BLTP2: variants seen among roughly 807,000 people sequenced by gnomAD.
BLTP2 encodes U937-associated antigen.
At chr17:28,644,083 T>C in the BLTP2 span, 1 of 1,614,240 alleles carries the variant, frequency 6.2e-7, no homozygotes, top group Non-Finnish European at 8.5e-7. Flanking sequence ...TTGCTGAAAC[T>C]TAAGACTGAC....
At chr17:28,639,353 T>C in the BLTP2 span, 4 of 1,614,152 alleles carry the variant, frequency 2.5e-6, no homozygotes, top group Non-Finnish European at 3.4e-6. Flanking sequence ...AACTAGACCC[T>C]TGGGTTTCCA....
the BLTP2 span, among the ~76,000 whole-genome samples, chr17:28,624,599 AAGTAAC>A: frequency 6.6e-6 from 1 of 152,172 alleles, no homozygotes; most frequent in Admixed American, 6.5e-5. Context: ...ATTTTAATAA[AAGTAAC>A]AGATTCCCAA....
chr17:28,619,786 AG>A, the BLTP2 span: 1 of 1,614,174 alleles, frequency 6.2e-7, no homozygotes, highest in African/African-American at 1.3e-5. Flanking sequence ...CTAGGGAACC[AG>A]GATAGAAACT....
At chr17:28,642,380 G>A in the BLTP2 span, 124 of 1,553,488 alleles carry the variant, frequency 8.0e-5, 2 homozygotes, top group South Asian at 5.9e-4. Flanking sequence ...TGCCGGGCGC[G>A]GTGGCTCACG....
chr17:28,637,167 G>T, the BLTP2 span: 1 of 1,613,848 alleles, frequency 6.2e-7, no homozygotes, highest in Non-Finnish European at 8.5e-7. Flanking sequence ...TACCTCTGAA[G>T]CACCTAACAA....
chr17:28,637,402 C>G, the BLTP2 span, among the ~76,000 whole-genome samples: 1 of 152,194 alleles, frequency 6.6e-6, no homozygotes, highest in East Asian at 1.9e-4. Flanking sequence ...ACCATTTACT[C>G]TCTAGAACTA....
the BLTP2 span, chr17:28,633,059 G>A: frequency 1.3e-5 from 20 of 1,591,494 alleles, no homozygotes; most frequent in African/African-American, 5.4e-5. Context: ...TCTGGGGCCC[G>A]CAGAGTGACA....
chr17:28,642,719 T>C, the BLTP2 span: 1 of 634,264 alleles, frequency 1.6e-6, no homozygotes. Flanking sequence ...CAAGCTCTGG[T>C]GGCTAGAAGG....
the BLTP2 span, chr17:28,636,917 A>G: frequency 6.8e-7 from 1 of 1,464,266 alleles, no homozygotes; most frequent in Non-Finnish European, 9.6e-7. Context: ...AAAGGCTCTA[A>G]GCTGAGGAAA....
At chr17:28,615,656 CG>C in the BLTP2 span, 1 of 1,613,430 alleles carries the variant, frequency 6.2e-7, no homozygotes, top group African/African-American at 1.3e-5. Context: ...TGAGCCCTGG[CG>C]GGATACCTGG....
chr17:28,620,134 T>C, the BLTP2 span: 4 of 902,126 alleles, frequency 4.4e-6, no homozygotes, highest in South Asian at 6.9e-5. Flanking sequence ...AACCTTTATC[T>C]GTCACTGGTA....
chr17:28,643,764 G>C, the BLTP2 span: 1 of 1,140,424 alleles, frequency 8.8e-7, no homozygotes, highest in Non-Finnish European at 1.3e-6. Context: ...CTCTTTCATA[G>C]CCATGTTGCC....
chr17:28,615,536 C>A, the BLTP2 span: 1 of 1,144,934 alleles, frequency 8.7e-7, no homozygotes, highest in South Asian at 1.5e-5. Context: ...GGCATAGAAG[C>A]CACTCACTTC....
the BLTP2 span, chr17:28,634,179 A>G: frequency 1.8e-6 from 2 of 1,099,106 alleles, no homozygotes; most frequent in African/African-American, 1.6e-5. Context: ...TTACCCATCT[A>G]TATTTACAAA....
the BLTP2 span, among the ~76,000 whole-genome samples, chr17:28,617,737 G>C: frequency 6.6e-6 from 1 of 152,108 alleles, no homozygotes; most frequent in Non-Finnish European, 1.5e-5. Flanking sequence ...AGAAGCATCT[G>C]ATCAAACTCA....
the BLTP2 span, among the ~76,000 whole-genome samples, chr17:28,617,694 A>G: frequency 6.6e-6 from 1 of 152,228 alleles, no homozygotes; most frequent in Admixed American, 6.5e-5. Flanking sequence ...CCTCTGGGCC[A>G]TACTTCTAGG....
At chr17:28,642,211 T>C in the BLTP2 span, 13 of 1,594,302 alleles carry the variant, frequency 8.2e-6, no homozygotes, top group East Asian at 2.2e-5. Context: ...ATGTAAGCCC[T>C]AAGCTCCTTC....
At chr17:28,644,896 A>G in the BLTP2 span, 1 of 1,037,358 alleles carries the variant, frequency 9.6e-7, no homozygotes, top group Admixed American at 2.2e-5. Context: ...GCGCCTCAGT[A>G]AGGCGCGCGC....
chr17:28,642,955 G>GA, the BLTP2 span: 1 of 1,607,142 alleles, frequency 6.2e-7, no homozygotes, highest in South Asian at 1.1e-5. Flanking sequence ...TGAGAACCAT[G>GA]ATGTTTATAG....
Sources: gnomAD v4.1 joint callset for allele counts (sites outside exome capture counted in the v4.1 genomes callset) on GRCh38, gnomAD v4.1.1 for gene constraint, MANE v1.5 for transcripts, NCBI Gene and HGNC (gene_info 2026-07-23, HGNC 2026-07-21) for gene names.